The following PRKCE variants were observed in gnomAD, a reference collection of about 807,000 sequenced individuals.
PRKCE encodes protein kinase C epsilon.
Under a neutral mutation model 85.4 loss-of-function variants are expected in PRKCE, and 16 were observed. That is an observed-to-expected ratio of 0.19 (90% confidence interval 0.13 to 0.28). The LOEUF is 0.28. PRKCE is among the 10% of genes least tolerant of loss of function. The pLI is 1.00. For missense variants in PRKCE, 573 were observed against 975.2 expected (o/e 0.59, Z 5.49); for synonymous variants, 388 against 371.5 (o/e 1.04, Z -0.51).
At chr2:46,075,429 GT>G (rs1215442014) in intron 10 of PRKCE, among the ~76,000 whole-genome samples, 1 of 152,076 alleles carries the variant, frequency 6.6e-6, no homozygotes, top group Non-Finnish European at 1.5e-5. Flanking sequence ...TGAGCAACCT[GT>G]TGTTTGATTT....
At chr2:46,057,618 G>C (rs13018760) in intron 10 of PRKCE, among the ~76,000 whole-genome samples, 27,299 of 151,998 alleles carry the variant, frequency 0.18, 2,976 homozygotes, top group Non-Finnish European at 0.25. Context: ...ATTTTTAGTA[G>C]ACACGGGGTT....
intron 2 of PRKCE, among the ~76,000 whole-genome samples, chr2:45,965,069 G>A (rs1412178412): frequency 1.3e-5 from 2 of 152,170 alleles, no homozygotes; most frequent in African/African-American, 4.8e-5. Context: ...AAAACATGCA[G>A]GCAATCTCAA....
intron 2 of PRKCE, among the ~76,000 whole-genome samples, chr2:45,896,655 T>C (rs1170426477): frequency 2.6e-5 from 4 of 152,220 alleles, no homozygotes; most frequent in African/African-American, 9.6e-5. Flanking sequence ...GCATGTATAC[T>C]TTTATTGGAG....
At chr2:45,869,802 G>A (rs1049260172) in intron 2 of PRKCE, among the ~76,000 whole-genome samples, 2 of 145,664 alleles carry the variant, frequency 1.4e-5, no homozygotes, top group African/African-American at 5.0e-5. Context: ...CCACCTCCTG[G>A]GTTCAAGCAA....
At chr2:46,071,194 G>A (rs1432956200) in intron 10 of PRKCE, among the ~76,000 whole-genome samples, 2 of 152,178 alleles carry the variant, frequency 1.3e-5, no homozygotes, top group African/African-American at 2.4e-5. Flanking sequence ...AAATACCATC[G>A]AATAATGTTA....
intron 14 of PRKCE, among the ~76,000 whole-genome samples, chr2:46,172,481 C>G (rs1310037342): frequency 2.1e-5 from 3 of 144,022 alleles, no homozygotes; most frequent in Non-Finnish European, 4.4e-5. Flanking sequence ...CTGGGCAGGC[C>G]TGGGCGGGCC....
At chr2:46,162,038 C>T (rs1404706772) in intron 14 of PRKCE, among the ~76,000 whole-genome samples, 4 of 152,130 alleles carry the variant, frequency 2.6e-5, no homozygotes, top group Non-Finnish European at 4.4e-5. Flanking sequence ...GAGGCAGGCA[C>T]GTGACTTACT....
At chr2:46,076,108 G>A (rs914357277) in intron 10 of PRKCE, among the ~76,000 whole-genome samples, 1 of 152,218 alleles carries the variant, frequency 6.6e-6, no homozygotes, top group African/African-American at 2.4e-5. Flanking sequence ...CAGTACCACT[G>A]TGCTTTCTAT....
chr2:45,776,558 C>T (rs1410658503), intron 1 of PRKCE, among the ~76,000 whole-genome samples: 2 of 152,204 alleles, frequency 1.3e-5, no homozygotes, highest in Non-Finnish European at 1.5e-5. Flanking sequence ...TGATCTTAAG[C>T]TCAGTATTTT....
At chr2:45,867,605 T>C (rs531576963) in intron 2 of PRKCE, among the ~76,000 whole-genome samples, 3 of 152,294 alleles carry the variant, frequency 2.0e-5, no homozygotes, top group African/African-American at 7.2e-5. Flanking sequence ...ATTTTTAAAA[T>C]TCGGTGGAGG....
At chr2:45,759,468 C>T (rs368821277) in intron 1 of PRKCE, among the ~76,000 whole-genome samples, 35 of 152,322 alleles carry the variant, frequency 2.3e-4, no homozygotes, top group Middle Eastern at 3.4e-3. Context: ...TGAGGCTTCC[C>T]GTGCATCTCA....
At chr2:45,779,761 A>G (rs1240574967) in intron 1 of PRKCE, among the ~76,000 whole-genome samples, 2 of 152,212 alleles carry the variant, frequency 1.3e-5, no homozygotes, top group African/African-American at 4.8e-5. Context: ...TAATACATGC[A>G]TATGTAGTGT....
At chr2:45,933,261 C>G (rs902877768) in intron 2 of PRKCE, among the ~76,000 whole-genome samples, 3 of 152,154 alleles carry the variant, frequency 2.0e-5, no homozygotes, top group African/African-American at 7.2e-5. Flanking sequence ...ACCTTCTTGT[C>G]TGTGGCTTAC....
At chr2:45,916,502 T>C (rs1473433994) in intron 2 of PRKCE, among the ~76,000 whole-genome samples, 1 of 152,200 alleles carries the variant, frequency 6.6e-6, no homozygotes. Context: ...TGCTTTGATC[T>C]TTCAAAGTGC....
At chr2:45,962,755 G>A (rs1701465540) in intron 2 of PRKCE, among the ~76,000 whole-genome samples, 1 of 152,188 alleles carries the variant, frequency 6.6e-6, no homozygotes, top group Non-Finnish European at 1.5e-5. Flanking sequence ...TGGCCTGGGA[G>A]AAGTGCCAGC....
chr2:46,114,341 T>G (rs1672550703), intron 11 of PRKCE, among the ~76,000 whole-genome samples: 1 of 151,522 alleles, frequency 6.6e-6, no homozygotes, highest in African/African-American at 2.4e-5. Flanking sequence ...ATTACAGTCT[T>G]CCCAGAGATT....
intron 10 of PRKCE, among the ~76,000 whole-genome samples, chr2:46,079,466 T>G (rs1668862857): frequency 6.6e-6 from 1 of 152,176 alleles, no homozygotes; most frequent in African/African-American, 2.4e-5. Flanking sequence ...ACCCAAAATC[T>G]GGGCCCCCAG....
chr2:46,094,906 C>A (rs66955291), intron 11 of PRKCE, among the ~76,000 whole-genome samples: 29,808 of 151,592 alleles, frequency 0.2, 3,579 homozygotes, highest in African/African-American at 0.33. Flanking sequence ...CAATTGAATT[C>A]TCAATCATTT....
chr2:45,933,576 C>G (rs1317954424), intron 2 of PRKCE, among the ~76,000 whole-genome samples: 1 of 151,006 alleles, frequency 6.6e-6, no homozygotes, highest in East Asian at 2.0e-4. Context: ...CGGGTTCACG[C>G]CATTCTCCTG....
Sources: gnomAD v4.1 joint callset for allele counts (sites outside exome capture counted in the v4.1 genomes callset) on GRCh38, gnomAD v4.1.1 for gene constraint, MANE v1.5 for transcripts, NCBI Gene and HGNC (gene_info 2026-07-23, HGNC 2026-07-21) for gene names.